The following GHR variants were observed in gnomAD, a reference collection of about 807,000 sequenced individuals.
GHR encodes GH receptor.
Under a neutral mutation model 67.1 loss-of-function variants are expected in GHR, and 35 were observed. The ratio of observed to expected loss-of-function variants is 0.52; its 90% confidence interval spans 0.40 to 0.69. The LOEUF is 0.69. GHR is among the 30% of genes least tolerant of loss of function. The pLI, the probability that GHR is intolerant of heterozygous loss-of-function variation, is 0.00. For missense variants in GHR, 792 were observed against 764.6 expected (o/e 1.04, Z -0.42); for synonymous variants, 272 against 269.1 (o/e 1.01, Z -0.10).
rs190096713 is a variant in GHR at position 42,559,132 on chromosome 5, G to T, written c.-11-6732G>T. Among the ~76,000 whole-genome samples, 13 of 152,242 alleles carry T rather than the reference G, an allele frequency of 8.5e-5. No homozygotes were observed. In the East Asian group the frequency reaches 1.9e-3, roughly 23 times the overall value. ...TATTTAATTAAATTAAATTTAAATT[G>T]TCATTGAATTCCTCAATTGCATTAG... is the stretch of plus-strand genomic sequence containing the variant. On this transcript the variant is annotated intron_variant, in intron 1 of 9. Coordinates refer to ENST00000230882, the MANE Select transcript of GHR (RefSeq NM_000163.5).
intron 3 of GHR, among the ~76,000 whole-genome samples, chr5:42,661,710 A>G (rs953698389): frequency 2.0e-5 from 3 of 152,218 alleles, no homozygotes; most frequent in Admixed American, 2.0e-4. Context: ...CGAGTAAAAT[A>G]ACCAGCTAAC....
intron 1 of GHR, among the ~76,000 whole-genome samples, chr5:42,430,261 T>A (rs778010611): frequency 4.6e-5 from 7 of 152,212 alleles, no homozygotes; most frequent in Non-Finnish European, 8.8e-5. Flanking sequence ...GACTGATTTC[T>A]CTTTTATGTA....
chr5:42,707,467 C>T (rs941725365), intron 6 of GHR, among the ~76,000 whole-genome samples: 1 of 151,774 alleles, frequency 6.6e-6, no homozygotes, highest in Non-Finnish European at 1.5e-5. Flanking sequence ...ATGAATTTTA[C>T]AATTGTTTTT....
At chr5:42,525,250 C>T (rs11741390) in intron 1 of GHR, among the ~76,000 whole-genome samples, 69,087 of 152,036 alleles carry the variant, frequency 0.45, 16,142 homozygotes, top group Middle Eastern at 0.51. Flanking sequence ...GTAGAGCCGC[C>T]CAAGACCATG....
chr5:42,592,926 A>C (rs1430050161), intron 2 of GHR, among the ~76,000 whole-genome samples: 1 of 152,184 alleles, frequency 6.6e-6, no homozygotes, highest in Non-Finnish European at 1.5e-5. Flanking sequence ...GTTTTTAATA[A>C]TAGCCATTCT....
At chr5:42,603,187 C>T (rs1752466203) in intron 2 of GHR, among the ~76,000 whole-genome samples, 1 of 151,976 alleles carries the variant, frequency 6.6e-6, no homozygotes, top group Non-Finnish European at 1.5e-5. Flanking sequence ...CATTCAACTC[C>T]CTTCAGGCCT....
chr5:42,688,903 G>A lies in GHR; in HGVS notation c.150G>A (p.Glu50=). Residue 50 remains glutamate, a synonymous_variant, in exon 4 of 10, where the codon GAG becomes GAA. Coordinates refer to ENST00000230882, the MANE Select transcript of GHR (RefSeq NM_000163.5). ...TTTATTCTGCAGATTCTTCTAAGGAGCCTAAATTCACCAAGTGCCGTTCAC... is the reference window on the plus strand; with the variant it reads ...TTTATTCTGCAGATTCTTCTAAGGAACCTAAATTCACCAAGTGCCGTTCAC... ...NPGLKTNSSK[E]PKFTKCRSPE... The A allele has an allele frequency of 1.2e-6, 2 of 1,613,838 alleles. No individual in the cohort carries two copies. Among genetic ancestry groups the A allele is most frequent in the Non-Finnish European group, 1.7e-6 (2 of 1,179,800 alleles).
In GHR at chr5:42,647,720, A is replaced by G. The variant is rs546176465; in HGVS notation, c.136+18617A>G. 47 of 439,220 alleles carry G rather than the reference A, an allele frequency of 1.1e-4. No individual in the cohort carries two copies. The Middle Eastern group carries it at 1.7e-3, about 16-fold the overall frequency. 27.2% of individuals were successfully genotyped at this position (439,220 alleles called of 1,614,324 possible). A position where few individuals can be genotyped will look rare whatever the true frequency, so the allele number is the denominator to read the frequency against. ...ACTTGAAGGAAGCATGAATGAAATTACAAGGAAATCTAGCTTAGAAAAATT... is the reference window on the plus strand; with the variant it reads ...ACTTGAAGGAAGCATGAATGAAATTGCAAGGAAATCTAGCTTAGAAAAATT... On this transcript the variant is annotated intron_variant, in intron 3 of 9. Transcript: ENST00000230882.
At chr5:42,560,017 T>TTAC (rs1358274744) in intron 1 of GHR, among the ~76,000 whole-genome samples, 1 of 152,188 alleles carries the variant, frequency 6.6e-6, no homozygotes, top group African/African-American at 2.4e-5. Flanking sequence ...ATGTTGGCAT[T>TTAC]TACTCTTCCC....
In GHR at chr5:42,457,599, C is replaced by G. The variant is rs532233986; in HGVS notation, c.-12+33644C>G. Among the ~76,000 whole-genome samples, 188 of 152,254 alleles carry G rather than the reference C, an allele frequency of 1.2e-3. 1 individual carries two copies. Among genetic ancestry groups the G allele is most frequent in the African/African-American group, 4.4e-3 (183 of 41,554 alleles). ...ATTAGGGGAAGTGAGATACATTAAC[C>G]TGTATAACCAGACCTTGTTAACTGT... On this transcript the variant is annotated intron_variant, in intron 1 of 9. Coordinates refer to ENST00000230882, the MANE Select transcript of GHR (RefSeq NM_000163.5).
intron 6 of GHR, among the ~76,000 whole-genome samples, chr5:42,708,421 T>C (rs568033517): frequency 3.0e-4 from 46 of 152,288 alleles, no homozygotes; most frequent in African/African-American, 1.1e-3. Context: ...CTCTTTTTTG[T>C]TGTTTGGGAA....
chr5:42,611,198 G>A (rs1200342729), intron 2 of GHR, among the ~76,000 whole-genome samples: 1 of 152,028 alleles, frequency 6.6e-6, no homozygotes, highest in East Asian at 1.9e-4. Context: ...GGTTTGCTGA[G>A]ACATTCCTCT....
chr5:42,424,589 A>G lies in GHR; in HGVS notation c.-12+634A>G, dbSNP rs1287324616. On this transcript the variant is annotated intron_variant, in intron 1 of 9. Transcript: ENST00000230882. This position sits in a 1 kb window ranked among gnomAD's most constrained non-coding sequence, Gnocchi z 4.1. ...AGTAGAGTGACAGCCACCAGTCCGC[A>G]TGAACTGGGGTAAGTGGAAATTGTG... The G allele has an allele frequency of 6.5e-7, 1 of 1,534,552 alleles. No homozygotes were observed. Among genetic ancestry groups the G allele is most frequent in the Non-Finnish European group, 8.7e-7 (1 of 1,145,924 alleles).
intron 1 of GHR, among the ~76,000 whole-genome samples, chr5:42,477,906 T>C (rs1745416321): frequency 6.6e-6 from 1 of 152,206 alleles, no homozygotes; most frequent in Non-Finnish European, 1.5e-5. Context: ...CATTTGTCAA[T>C]TTTTGCTTTT....
chr5:42,477,986 C>A (rs6861125), intron 1 of GHR, among the ~76,000 whole-genome samples: 24,695 of 149,206 alleles, frequency 0.17, 2,304 homozygotes, highest in Middle Eastern at 0.26. Context: ...GGTATTGCCT[C>A]GGTTTTCTTC....
rs1220610228 is a variant in GHR at position 42,615,740 on chromosome 5, AC to A, written c.71-13297del. 7.9e-4 allele frequency among the ~76,000 whole-genome samples: 102 copies of A among 129,320 alleles called. 1 individual carries two copies. The highest frequency in any genetic ancestry group is 3.5e-3 in the African/African-American group (96 of 27,116). The allele number at this position is 129,320 out of a possible 152,430, so 84.8% of individuals were successfully genotyped here. A position where few individuals can be genotyped will look rare whatever the true frequency, so the allele number is the denominator to read the frequency against. ...GTAGAAATTTGGAAAAAAACAAAAAACAAAAAAAAAAAAACATAGAATTAAT... is the reference window on the plus strand; with the variant it reads ...GTAGAAATTTGGAAAAAAACAAAAAAAAAAAAAAAAAAACATAGAATTAAT... On this transcript the variant is annotated intron_variant, in intron 2 of 9. Coordinates refer to ENST00000230882, the MANE Select transcript of GHR (RefSeq NM_000163.5).
chr5:42,608,287 TA>T (rs1206806103), intron 2 of GHR, among the ~76,000 whole-genome samples: 1 of 152,192 alleles, frequency 6.6e-6, no homozygotes, highest in African/African-American at 2.4e-5. Context: ...AATTTAAAAA[TA>T]AAAAAGAATG....
At chr5:42,627,127 T>A (rs1316696153) in intron 2 of GHR, among the ~76,000 whole-genome samples, 2 of 152,250 alleles carry the variant, frequency 1.3e-5, no homozygotes, top group African/African-American at 4.8e-5. Context: ...TTCTCTCATG[T>A]TGAGCTTTTC....
intron 1 of GHR, among the ~76,000 whole-genome samples, chr5:42,528,850 A>C (rs1747822353): frequency 6.6e-6 from 1 of 152,194 alleles, no homozygotes; most frequent in East Asian, 1.9e-4. Flanking sequence ...CAACATTGAG[A>C]CAAGACTCTC....
Sources: gnomAD v4.1 joint callset for allele counts (sites outside exome capture counted in the v4.1 genomes callset) on GRCh38, gnomAD v4.1.1 for gene constraint, Gnocchi (gnomAD v3.1) non-coding constraint, MANE v1.5 for transcripts, NCBI Gene and HGNC (gene_info 2026-07-23, HGNC 2026-07-21) for gene names.